ETS1: variants seen among roughly 807,000 people sequenced by gnomAD.
The protein encoded by ETS1 is protein C-ets-1.
In ETS1, 15 loss-of-function variants were observed where a neutral mutation model predicts 58.6. The ratio of observed to expected loss-of-function variants is 0.26; its 90% confidence interval spans 0.17 to 0.39. The LOEUF (loss-of-function observed/expected upper bound fraction) is 0.39. Ranked by LOEUF, ETS1 falls within the 10% of genes least tolerant of loss-of-function variation. ETS1 has a pLI of 1.00. For missense variants in ETS1, 417 were observed against 610.5 expected, an observed-to-expected ratio of 0.68 and a Z score of 3.34; for synonymous variants, 214 against 218.2, an observed-to-expected ratio of 0.98 and a Z score of 0.17.
At chr11:128,505,129 C>T (rs1335721407) in intron 3 of ETS1, 1 of 152,180 alleles carries the variant, frequency 6.6e-6, no homozygotes, top group Non-Finnish European at 1.5e-5. Flanking sequence ...ATCTATGAAC[C>T]TTTATCTAAA....
intron 3 of ETS1, among the ~76,000 whole-genome samples, chr11:128,522,865 G>C (rs1377873296): frequency 6.6e-6 from 1 of 152,204 alleles, no homozygotes; most frequent in Non-Finnish European, 1.5e-5. Flanking sequence ...AGGGCTTTAG[G>C]AGTATTGGAC....
chr11:128,565,911 C>A (rs1864485025), intron 2 of ETS1, among the ~76,000 whole-genome samples: 1 of 152,176 alleles, frequency 6.6e-6, no homozygotes, highest in African/African-American at 2.4e-5. Context: ...AGCAGAGTGA[C>A]CCTTCTGTGA....
At chr11:128,574,250 C>T (rs1864696835) in intron 1 of ETS1, among the ~76,000 whole-genome samples, 1 of 152,162 alleles carries the variant, frequency 6.6e-6, no homozygotes, top group Admixed American at 6.5e-5. Flanking sequence ...AAGCTACAAA[C>T]CTCCTGAAGT....
chr11:128,503,474 G>A (rs1382807551), intron 3 of ETS1, among the ~76,000 whole-genome samples: 1 of 152,062 alleles, frequency 6.6e-6, no homozygotes, highest in Non-Finnish European at 1.5e-5. Flanking sequence ...GAACTACCAG[G>A]ACAACAGATA....
At chr11:128,587,009 A>C (rs984049929) in intron 1 of ETS1, among the ~76,000 whole-genome samples, 1 of 152,310 alleles carries the variant, frequency 6.6e-6, no homozygotes, top group Middle Eastern at 3.4e-3. Flanking sequence ...TTTGGCTAGC[A>C]AGATTCAAAC....
Position 128,585,201 on chromosome 11 carries a change from A to G in ETS1, c.-15+2287T>C, listed in dbSNP as rs868513538. Among the ~76,000 whole-genome samples the G allele has an allele frequency of 3.0e-3, 362 of 120,608 alleles. 21 individuals are homozygous for G. The highest frequency in any genetic ancestry group is 4.9e-3 in the African/African-American group (133 of 26,884). The allele number at this position is 120,608 out of a possible 152,430, so 79.1% of individuals were successfully genotyped here. A position where few individuals can be genotyped will look rare whatever the true frequency, so the allele number is the denominator to read the frequency against. ...AAGAAAGAAAGAAGGAAGGAAAGAA[A>G]GAAAGAAAGAAAGAAAGAAAGAAAG... On this transcript the variant is annotated intron_variant, in intron 1 of 9. Transcript: ENST00000392668.
intron 2 of ETS1, among the ~76,000 whole-genome samples, chr11:128,571,385 C>T (rs949112463): frequency 6.6e-6 from 1 of 151,272 alleles, no homozygotes; most frequent in African/African-American, 2.4e-5. Flanking sequence ...CCACAGCACT[C>T]CAGCCTGGGT....
intron 8 of ETS1, among the ~76,000 whole-genome samples, chr11:128,479,276 G>A (rs1009285193): frequency 8.5e-5 from 13 of 152,062 alleles, no homozygotes. Context: ...ACATATCCAG[G>A]GTGGAGAGAA....
chr11:128,504,659 G>T (rs1037989566), intron 3 of ETS1, among the ~76,000 whole-genome samples: 14 of 152,124 alleles, frequency 9.2e-5, no homozygotes, highest in Non-Finnish European at 1.5e-5. Flanking sequence ...TTAAGTCACT[G>T]GTTACTAATT....
chr11:128,519,922 T>A (rs1239145692), intron 3 of ETS1, among the ~76,000 whole-genome samples: 2 of 152,246 alleles, frequency 1.3e-5, no homozygotes, highest in Non-Finnish European at 2.9e-5. Context: ...CTTTATTTTT[T>A]CCAAGATAAT....
chr11:128,587,317 G>C (rs1439767622), intron 1 of ETS1, among the ~76,000 whole-genome samples, 171 bp downstream of exon 1: 2 of 152,096 alleles, frequency 1.3e-5, no homozygotes, highest in African/African-American at 4.8e-5. Flanking sequence ...AAGTATTTTT[G>C]AAAATTGTTA....
At chr11:128,551,879 A>T (rs774019500) in intron 3 of ETS1, among the ~76,000 whole-genome samples, 2 of 152,224 alleles carry the variant, frequency 1.3e-5, no homozygotes, top group Middle Eastern at 3.4e-3. Flanking sequence ...TCAAAGTGTG[A>T]TCTCTAGACC....
intron 8 of ETS1, 27 bp downstream of exon 8, chr11:128,480,164 T>G: frequency 6.2e-7 from 1 of 1,609,994 alleles, no homozygotes; most frequent in Non-Finnish European, 8.5e-7. Flanking sequence ...CAGATGGAGT[T>G]GGCCTAAGCA....
At chr11:128,570,607 A>C (rs781728729) in intron 2 of ETS1, among the ~76,000 whole-genome samples, 7 of 152,196 alleles carry the variant, frequency 4.6e-5, no homozygotes, top group Non-Finnish European at 1.0e-4. Flanking sequence ...TGTAAATAGA[A>C]TTAACATGGA....
chr11:128,543,242 T>G (rs1864082971), intron 3 of ETS1, among the ~76,000 whole-genome samples: 1 of 152,094 alleles, frequency 6.6e-6, no homozygotes, highest in African/African-American at 2.4e-5. Flanking sequence ...TATAATAATT[T>G]ATTTTTCAAA....
chr11:128,510,119 G>C (rs981402047), intron 3 of ETS1, among the ~76,000 whole-genome samples: 1 of 152,130 alleles, frequency 6.6e-6, no homozygotes, highest in Non-Finnish European at 1.5e-5. Flanking sequence ...ATGAAATAAG[G>C]ATGCATTTCC....
intron 6 of ETS1, 39 bp from the exon 7 acceptor site, chr11:128,485,110 T>C (rs768645746): frequency 1.9e-6 from 3 of 1,584,786 alleles, no homozygotes; most frequent in Non-Finnish European, 2.6e-6. Flanking sequence ...GAGGAGAGAT[T>C]TGTACCTAAA....
intron 3 of ETS1, among the ~76,000 whole-genome samples, chr11:128,553,992 A>G (rs1290531926): frequency 2.6e-5 from 4 of 152,172 alleles, no homozygotes; most frequent in Non-Finnish European, 4.4e-5. Context: ...CACATCTCCA[A>G]GGAAATGTAC....
chr11:128,476,956 C>G (rs1862340117), intron 8 of ETS1, among the ~76,000 whole-genome samples: 1 of 152,170 alleles, frequency 6.6e-6, no homozygotes, highest in Non-Finnish European at 1.5e-5. Context: ...CTATGGGAGC[C>G]CAGTGAAGGT....
Sources: gnomAD v4.1 joint callset for allele counts (sites outside exome capture counted in the v4.1 genomes callset) on GRCh38, gnomAD v4.1.1 for gene constraint, MANE v1.5 for transcripts, NCBI Gene and HGNC (gene_info 2026-07-23, HGNC 2026-07-21) for gene names.